Variants in RINT1 observed in about 807,000 individuals in gnomAD.
The protein encoded by RINT1 is RAD50-interacting protein 1.
RINT1 carries 75 observed loss-of-function variants against 97.7 expected under a neutral mutation model. The ratio of observed to expected loss-of-function variants is 0.77; its 90% confidence interval spans 0.64 to 0.93. The LOEUF (loss-of-function observed/expected upper bound fraction) is 0.93. Among genes scored for constraint, RINT1 ranks in the 40% least tolerant of loss-of-function variants. The pLI is 0.00. For missense variants in RINT1, 892 were observed against 925.2 expected (o/e 0.96, Z 0.47); for synonymous variants, 303 against 326.3 (o/e 0.93, Z 0.77).
At position 105,567,614 on chromosome 7, in the gene RINT1, TG is replaced by T. The variant is rs1378709878; in HGVS notation, c.*304del. 2 of 561,020 alleles carry T rather than the reference TG, an allele frequency of 3.6e-6. No individual in the cohort carries two copies. Among genetic ancestry groups the T allele is most frequent in the Middle Eastern group, 4.7e-4 (1 of 2,138 alleles). 34.8% of individuals were successfully genotyped at this position (561,020 alleles called of 1,614,324 possible). On this transcript the variant is annotated 3_prime_UTR_variant, in exon 15 of 15. Coordinates refer to ENST00000257700, the MANE Select transcript of RINT1 (RefSeq NM_021930.6). ...ATTATAACCAACTTTCAATTTCCTG[TG>T]CTAATTAAGGGAAATTCTGTTGTGG... is the stretch of plus-strand genomic sequence containing the variant.
intron 4 of RINT1, among the ~76,000 whole-genome samples, chr7:105,545,514 G>GTGTA (rs1554361810): frequency 7.0e-6 from 1 of 143,716 alleles, no homozygotes; most frequent in African/African-American, 2.6e-5. Context: ...TGTAATATTT[G>GTGTA]TATATATATA....
chr7:105,533,641 T>A (rs1790117735), intron 2 of RINT1, among the ~76,000 whole-genome samples: 1 of 152,154 alleles, frequency 6.6e-6, no homozygotes. Context: ...GGAGTAAGAT[T>A]TGCCCTTAAC....
At position 105,546,222 on chromosome 7, in the gene RINT1, C is replaced by T. The variant is rs149291598; in HGVS notation, c.516-688C>T. On this transcript the variant is annotated intron_variant, in intron 4 of 14. Coordinates refer to ENST00000257700, the MANE Select transcript of RINT1 (RefSeq NM_021930.6). ...TCATACTTGACTTTACCAGATACTA[C>T]CACATTATTCCCTTGGATTAAGATA... Among the ~76,000 whole-genome samples the T allele has an allele frequency of 8.5e-5, 13 of 152,302 alleles. 1 individual carries two copies. Among genetic ancestry groups the T allele is most frequent in the Admixed American group, 5.2e-4 (8 of 15,294 alleles).
At chr7:105,544,549 C>T (rs551336040) in intron 4 of RINT1, among the ~76,000 whole-genome samples, 1 of 152,184 alleles carries the variant, frequency 6.6e-6, no homozygotes, top group East Asian at 1.9e-4. Flanking sequence ...ATTCTCCTGC[C>T]TTGGCCTCCC....
At position 105,563,832 on chromosome 7, in the gene RINT1, G is replaced by C. The variant is rs1060503045; in HGVS notation, c.1771G>C (p.Val591Leu). 3 of 1,614,040 alleles carry C rather than the reference G, an allele frequency of 1.9e-6. No homozygotes were observed. The highest frequency in any genetic ancestry group is 2.5e-6 in the Non-Finnish European group (3 of 1,179,938). The change falls in exon 12 of 15, where the codon GTC becomes CTC. Residue 591 changes from valine (V) to leucine (L), a missense_variant. Val to Leu is a conservative substitution (Grantham distance 32). Coordinates refer to ENST00000257700, the MANE Select transcript of RINT1 (RefSeq NM_021930.6). ...ACAGCTAGCCTCTATGGAGAGCTCT[G>C]TCTTTGATGACATGATTAACCTCTT... is the stretch of plus-strand genomic sequence containing the variant. ...LGQLASMESS[V>L]FDDMINLLER...
chr7:105,562,445 C>T (rs1409137092), intron 11 of RINT1, among the ~76,000 whole-genome samples: 1 of 152,138 alleles, frequency 6.6e-6, no homozygotes, highest in African/African-American at 2.4e-5. Flanking sequence ...TAAGGTCTCA[C>T]TATAAAATGA....
At chr7:105,558,796 C>CATAAA (rs58024494) in intron 11 of RINT1, among the ~76,000 whole-genome samples, 53,783 of 150,338 alleles carry the variant, frequency 0.36, 10,296 homozygotes, top group African/African-American at 0.51. Flanking sequence ...CCTGTCTCTA[C>CATAAA]ATAAAATAAA....
intron 3 of RINT1, among the ~76,000 whole-genome samples, chr7:105,538,049 A>G (rs1408701578): frequency 1.3e-5 from 2 of 151,594 alleles, no homozygotes; most frequent in African/African-American, 4.8e-5. Flanking sequence ...CTGGAGTGCA[A>G]TGGCGTGATC....
intron 11 of RINT1, among the ~76,000 whole-genome samples, chr7:105,559,367 C>T (rs1310556894): frequency 1.3e-5 from 2 of 151,876 alleles, no homozygotes; most frequent in Admixed American, 1.3e-4. Context: ...ATGGTGAAAC[C>T]CCATCTCTAC....
Position 105,563,873 on chromosome 7 carries a change from T to C in RINT1, c.1812T>C (p.His604=), listed in dbSNP as rs1791562896. Residue 604 remains histidine (H), a synonymous_variant, in exon 12 of 15, where the codon CAT becomes CAC. Coordinates refer to ENST00000257700, the MANE Select transcript of RINT1 (RefSeq NM_021930.6). ...DMINLLERLK[H]DMLTRQVDHV... The stretch of plus-strand genomic sequence containing the variant: ...TTAACCTCTTAGAACGTTTAAAGCA[T>C]GATATGTTGACCCGTCAAGTAGACC... 1 of 1,613,926 alleles carries C rather than the reference T, an allele frequency of 6.2e-7. No individual in the cohort carries two copies. Among genetic ancestry groups the C allele is most frequent in the African/African-American group, 1.3e-5 (1 of 74,938 alleles).
intron 3 of RINT1, among the ~76,000 whole-genome samples, chr7:105,542,032 G>A (rs1790477679): frequency 6.6e-6 from 1 of 152,134 alleles, no homozygotes; most frequent in South Asian, 2.1e-4. Flanking sequence ...ACAGGATGAA[G>A]AAATCAAACC....
intron 6 of RINT1, among the ~76,000 whole-genome samples, chr7:105,547,815 C>A (rs543817424): frequency 6.6e-6 from 1 of 150,802 alleles, no homozygotes; most frequent in Admixed American, 6.7e-5. Flanking sequence ...ACAGCCTCCA[C>A]CTCCCGGGTT....
chr7:105,562,500 G>A (rs140682220), intron 11 of RINT1, among the ~76,000 whole-genome samples: 365 of 152,282 alleles, frequency 2.4e-3, no homozygotes, highest in African/African-American at 8.0e-3. Context: ...ATAGGCATGA[G>A]CTACCATGCC....
chr7:105,545,530 A>C (rs58209060), intron 4 of RINT1, among the ~76,000 whole-genome samples: 1 of 140,142 alleles, frequency 7.1e-6, no homozygotes, highest in African/African-American at 2.6e-5. Flanking sequence ...ATATATATAT[A>C]TTTTTTTTTT....
chr7:105,566,138 C>T (rs1051921073), intron 14 of RINT1, among the ~76,000 whole-genome samples: 2 of 151,688 alleles, frequency 1.3e-5, no homozygotes, highest in Non-Finnish European at 2.9e-5. Context: ...ATTAGCCAGG[C>T]CTGGTGGCGG....
At chr7:105,562,823 A>G (rs1791497577) in intron 11 of RINT1, among the ~76,000 whole-genome samples, 1 of 152,158 alleles carries the variant, frequency 6.6e-6, no homozygotes, top group Non-Finnish European at 1.5e-5. Context: ...GAATCGCTTG[A>G]ACCCGGGAGG....
intron 11 of RINT1, among the ~76,000 whole-genome samples, chr7:105,556,128 G>T (rs1791171192): frequency 2.0e-5 from 3 of 150,490 alleles, no homozygotes; most frequent in African/African-American, 7.3e-5. Context: ...GTGCAATGGT[G>T]CGATCTCGGC....
intron 7 of RINT1, among the ~76,000 whole-genome samples, 164 bp from the exon 8 acceptor site, chr7:105,549,891 C>G (rs1790853208): frequency 6.6e-6 from 1 of 152,080 alleles, no homozygotes; most frequent in Admixed American, 6.6e-5. Flanking sequence ...GATTATTAAG[C>G]CTTGCAGGAG....
At position 105,565,555 on chromosome 7, in the gene RINT1, AAGG is replaced by A. The variant is rs1304094668; in HGVS notation, c.2099_2101del (p.Gly700del). 1.2e-6 allele frequency: 2 copies of A among 1,613,924 alleles called. No homozygotes were observed. Among genetic ancestry groups the A allele is most frequent in the Non-Finnish European group, 8.5e-7 (1 of 1,179,872 alleles). ...ATAATTCTTGCTAATCACTTCAATG[AAGG>A]AGGAGCAGCCCAGCTGCAGTTTGAT... is the stretch of plus-strand genomic sequence containing the variant. On this transcript the variant is annotated inframe_deletion, in exon 14 of 15. Transcript: ENST00000257700.
Sources: gnomAD v4.1 joint callset for allele counts (sites outside exome capture counted in the v4.1 genomes callset) on GRCh38, gnomAD v4.1.1 for gene constraint, MANE v1.5 for transcripts, NCBI Gene and HGNC (gene_info 2026-07-23, HGNC 2026-07-21) for gene names.